GNG12: variants seen among roughly 807,000 people sequenced by gnomAD.
GNG12 encodes guanine nucleotide-binding protein G(I)/G(S)/G(O) subunit gamma-12.
For synonymous variants in GNG12, 28 were observed against 29.7 expected, an observed-to-expected ratio of 0.94 and a Z score of 0.19; for missense variants, 69 against 83.8, an observed-to-expected ratio of 0.82 and a Z score of 0.69.
chr1:67,821,499 T>C (rs1267806599), intron 1 of GNG12, among the ~76,000 whole-genome samples: 2 of 152,166 alleles, frequency 1.3e-5, no homozygotes, highest in South Asian at 2.1e-4. Context: ...CATCCTGTAA[T>C]TGCAGGGAAC....
intron 1 of GNG12, among the ~76,000 whole-genome samples, chr1:67,797,436 G>A (rs1056395257): frequency 2.0e-5 from 3 of 152,118 alleles, no homozygotes; most frequent in Non-Finnish European, 4.4e-5. Flanking sequence ...GAAGCAAGAA[G>A]TCCCATGGCT....
chr1:67,828,741 G>C (rs1647025761), intron 1 of GNG12, among the ~76,000 whole-genome samples: 1 of 152,174 alleles, frequency 6.6e-6, no homozygotes, highest in South Asian at 2.1e-4. Flanking sequence ...CTTCCATAAA[G>C]TCAAGGTTGG....
At chr1:67,833,154 C>T (rs1352020260) in intron 1 of GNG12, among the ~76,000 whole-genome samples, 190 bp downstream of exon 1, 1 of 151,812 alleles carries the variant, frequency 6.6e-6, no homozygotes, top group Non-Finnish European at 1.5e-5. Flanking sequence ...GCCCAGCGCC[C>T]AGACCAGTCC....
intron 1 of GNG12, among the ~76,000 whole-genome samples, chr1:67,806,120 C>T (rs1045444961): frequency 6.6e-6 from 1 of 151,754 alleles, no homozygotes; most frequent in African/African-American, 2.4e-5. Flanking sequence ...GCCAGTAGAC[C>T]TGCCTTGTAA....
At chr1:67,728,502 C>T (rs1191987461) in intron 2 of GNG12, among the ~76,000 whole-genome samples, 1 of 152,142 alleles carries the variant, frequency 6.6e-6, no homozygotes, top group African/African-American at 2.4e-5. Flanking sequence ...CAGAACTACT[C>T]AAGCCACCAA....
At chr1:67,733,054 C>T (rs930126943) in intron 2 of GNG12, among the ~76,000 whole-genome samples, 3 of 152,206 alleles carry the variant, frequency 2.0e-5, no homozygotes, top group African/African-American at 7.2e-5. Flanking sequence ...GCACAGGCTC[C>T]CAAGCCACAC....
At chr1:67,822,258 G>A (rs1031259352) in intron 1 of GNG12, among the ~76,000 whole-genome samples, 3 of 151,934 alleles carry the variant, frequency 2.0e-5, no homozygotes, top group African/African-American at 7.3e-5. Flanking sequence ...TTCTTCCACT[G>A]TGGCCCAGGA....
At chr1:67,823,753 G>T (rs763173132) in intron 1 of GNG12, among the ~76,000 whole-genome samples, 1 of 152,136 alleles carries the variant, frequency 6.6e-6, no homozygotes, top group Non-Finnish European at 1.5e-5. Context: ...TTCCGGAGGG[G>T]TACTACAGAG....
At chr1:67,742,132 G>T (rs1329332141) in intron 2 of GNG12, among the ~76,000 whole-genome samples, 3 of 152,150 alleles carry the variant, frequency 2.0e-5, no homozygotes. Flanking sequence ...CTTAGAGGGG[G>T]CATCAATTAG....
At chr1:67,773,931 T>C (rs75172984) in intron 2 of GNG12, among the ~76,000 whole-genome samples, 2 of 152,172 alleles carry the variant, frequency 1.3e-5, no homozygotes, top group African/African-American at 2.4e-5. Flanking sequence ...ATCCTTGGAC[T>C]AAGCAAGACC....
At chr1:67,787,647 T>G (rs1276294) in intron 1 of GNG12, among the ~76,000 whole-genome samples, 2 of 152,078 alleles carry the variant, frequency 1.3e-5, no homozygotes, top group Non-Finnish European at 2.9e-5. Context: ...GTACCATGGC[T>G]ACAACCTCAT....
intron 1 of GNG12, among the ~76,000 whole-genome samples, chr1:67,781,885 C>T (rs1442748640): frequency 6.6e-6 from 1 of 152,076 alleles, no homozygotes; most frequent in African/African-American, 2.4e-5. Flanking sequence ...AACTTTGAGA[C>T]ATCCAAGGGG....
intron 1 of GNG12, among the ~76,000 whole-genome samples, chr1:67,828,845 C>T (rs919829836): frequency 1.3e-5 from 2 of 152,226 alleles, no homozygotes; most frequent in African/African-American, 4.8e-5. Context: ...GAAAGGCCTT[C>T]TCTTTTACCG....
intron 2 of GNG12, among the ~76,000 whole-genome samples, chr1:67,754,419 C>T (rs1646556303): frequency 1.3e-5 from 2 of 152,174 alleles, no homozygotes; most frequent in African/African-American, 2.4e-5. Context: ...CCCACTCCTC[C>T]ACCACACCCC....
chr1:67,707,567 A>G (rs199827530), intron 3 of GNG12, 27 bp downstream of exon 3: 2 of 1,160,818 alleles, frequency 1.7e-6, no homozygotes, highest in Non-Finnish European at 1.3e-6. Context: ...AGCAGAAAGC[A>G]TATGTTATCC....
chr1:67,763,756 C>A (rs2100743205), intron 2 of GNG12, among the ~76,000 whole-genome samples: 1 of 152,112 alleles, frequency 6.6e-6, no homozygotes, highest in East Asian at 1.9e-4. Context: ...AATCCACCCC[C>A]CTCCCACCCT....
At chr1:67,737,116 A>G (rs961048415) in intron 2 of GNG12, among the ~76,000 whole-genome samples, 1 of 152,202 alleles carries the variant, frequency 6.6e-6, no homozygotes, top group African/African-American at 2.4e-5. Context: ...AACTAAAACC[A>G]AGTCTTAATT....
At chr1:67,763,889 T>A (rs1046948774) in intron 2 of GNG12, among the ~76,000 whole-genome samples, 2 of 152,196 alleles carry the variant, frequency 1.3e-5, no homozygotes, top group Non-Finnish European at 2.9e-5. Context: ...CAATTTGCAG[T>A]CTAACAAAGG....
At chr1:67,732,711 G>C (rs1026177282) in intron 2 of GNG12, among the ~76,000 whole-genome samples, 1 of 152,210 alleles carries the variant, frequency 6.6e-6, no homozygotes, top group Non-Finnish European at 1.5e-5. Context: ...GGAAACTGAG[G>C]CAAAAGGAGA....
Sources: allele counts gnomAD v4.1 joint callset (sites outside exome capture counted in the v4.1 genomes callset), GRCh38; gene constraint gnomAD v4.1.1; transcripts MANE v1.5; gene names NCBI Gene and HGNC (gene_info 2026-07-23, HGNC 2026-07-21).